Variants in INPP4B observed in about 807,000 individuals in gnomAD.
INPP4B encodes inositol polyphosphate-4-phosphatase type II B.
Under a neutral mutation model 122.5 loss-of-function variants are expected in INPP4B, and 55 were observed. The observed-to-expected ratio is 0.45, with a 90% CI of 0.36 to 0.56. The LOEUF (loss-of-function observed/expected upper bound fraction) is 0.56, where lower values mean the gene tolerates loss of function less well. Among genes scored for constraint, INPP4B ranks in the 20% least tolerant of loss-of-function variants. The probability of loss-of-function intolerance (pLI) is 0.00; values close to 1 mark genes in which losing one functional copy is unlikely to be tolerated. For missense variants in INPP4B, 1,000 were observed against 1,097.7 expected (o/e 0.91, Z 1.26); for synonymous variants, 403 against 388.7 (o/e 1.04, Z -0.43).
At chr4:142,659,463 T>C (rs1220310675) in intron 2 of INPP4B, among the ~76,000 whole-genome samples, 1 of 152,072 alleles carries the variant, frequency 6.6e-6, no homozygotes, top group Non-Finnish European at 1.5e-5. Flanking sequence ...ACTTATATAT[T>C]GGTCACTAAA....
chr4:142,818,796 T>C (rs1780449002), intron 1 of INPP4B, among the ~76,000 whole-genome samples: 1 of 152,098 alleles, frequency 6.6e-6, no homozygotes, highest in South Asian at 2.1e-4. Context: ...TCGCCCTTAT[T>C]AGTTTATATA....
intron 15 of INPP4B, among the ~76,000 whole-genome samples, chr4:142,177,701 C>A (rs1579182955): frequency 6.6e-6 from 1 of 151,862 alleles, no homozygotes; most frequent in African/African-American, 2.4e-5. Context: ...GAATGCACAC[C>A]TACATCCCCA....
rs1776638760 is a variant in INPP4B, at chr4:142,086,147, T to C, written c.2484A>G (p.Ala828=). 8 of 1,566,124 alleles carry C rather than the reference T, an allele frequency of 5.1e-6. No homozygotes were observed. The highest frequency in any genetic ancestry group is 7.0e-6 in the Non-Finnish European group (8 of 1,136,558). The change falls in exon 24 of 26, where the codon GCA becomes GCG. Residue 828 remains alanine, a synonymous_variant. Coordinates refer to ENST00000262992, the MANE Select transcript of INPP4B (RefSeq NM_001101669.3). ...RKNVEIMWLA[A]TICRKLNGIR... Reference sequence around the variant, plus strand: ...GATTTGACATGAGAGTGCTTACCGTTGCAGCCAGCCACATAATTTCTACAT... The same window carrying C: ...GATTTGACATGAGAGTGCTTACCGTCGCAGCCAGCCACATAATTTCTACAT...
chr4:142,054,703 A>G (rs1039829079), intron 25 of INPP4B, among the ~76,000 whole-genome samples: 2 of 152,054 alleles, frequency 1.3e-5, no homozygotes, highest in African/African-American at 2.4e-5. Context: ...CTATGCTTAT[A>G]GGAGACTGGA....
chr4:142,461,443 C>A (rs914359364), intron 3 of INPP4B, among the ~76,000 whole-genome samples: 8 of 152,112 alleles, frequency 5.3e-5, no homozygotes, highest in Non-Finnish European at 1.0e-4. Context: ...ATTTAGGAAG[C>A]TTTTGCTCCA....
chr4:142,203,355 A>G (rs1841465327), intron 14 of INPP4B, among the ~76,000 whole-genome samples: 1 of 152,108 alleles, frequency 6.6e-6, no homozygotes, highest in South Asian at 2.1e-4. Context: ...GAATTCATTA[A>G]ATTTTATAGC....
chr4:142,759,171 T>C (rs954418781), intron 1 of INPP4B, among the ~76,000 whole-genome samples: 2 of 152,182 alleles, frequency 1.3e-5, no homozygotes, highest in Admixed American at 6.5e-5. Context: ...TTAACTAGTA[T>C]GTAGAAGAGA....
chr4:142,299,284 CT>C (rs1249581273), intron 9 of INPP4B, among the ~76,000 whole-genome samples: 1 of 124,526 alleles, frequency 8.0e-6, no homozygotes, highest in African/African-American at 4.4e-5. Context: ...ACCACAGCCT[CT>C]CGCATAGCTG....
intron 23 of INPP4B, among the ~76,000 whole-genome samples, chr4:142,099,011 G>A (rs1206598253): frequency 6.6e-6 from 1 of 152,070 alleles, no homozygotes. Context: ...TGTGGTGGCT[G>A]GGAAGCCAAG....
intron 2 of INPP4B, among the ~76,000 whole-genome samples, chr4:142,499,293 A>G (rs151324980): frequency 1.8e-3 from 276 of 152,192 alleles, no homozygotes; most frequent in African/African-American, 6.3e-3. Context: ...CACTCAGAGA[A>G]AAAAAATATG....
Position 142,039,805 on chromosome 4 carries a change from A to G in INPP4B, c.2643-10891T>C, listed in dbSNP as rs961143369. Among the ~76,000 whole-genome samples, 4 of 152,298 alleles carry G rather than the reference A, an allele frequency of 2.6e-5. No individual in the cohort carries two copies. In the East Asian group the frequency reaches 7.7e-4, roughly 29 times the overall value. On this transcript the variant is annotated intron_variant, in intron 25 of 25. Transcript: ENST00000262992. ...AGTGTTTAAGGTTAGTTTTGTTTGC[A>G]TAAAAGAATGCTAATATGTGATATG...
chr4:142,545,438 G>A (rs1829434150), intron 2 of INPP4B, among the ~76,000 whole-genome samples: 1 of 151,990 alleles, frequency 6.6e-6, no homozygotes, highest in Non-Finnish European at 1.5e-5. Context: ...CACTGAGCTA[G>A]TACTATGTGA....
At chr4:142,687,769 C>T (rs919561372) in intron 2 of INPP4B, among the ~76,000 whole-genome samples, 1 of 152,010 alleles carries the variant, frequency 6.6e-6, no homozygotes, top group Non-Finnish European at 1.5e-5. Flanking sequence ...TGCTGAGACA[C>T]TCTAAGCAGG....
At chr4:142,564,707 A>G (rs985629359) in intron 2 of INPP4B, among the ~76,000 whole-genome samples, 3 of 152,066 alleles carry the variant, frequency 2.0e-5, no homozygotes, top group Admixed American at 6.6e-5. Flanking sequence ...TAAATTTTAC[A>G]TTTTTAATAT....
At chr4:142,708,768 G>C (rs1386316841) in intron 2 of INPP4B, among the ~76,000 whole-genome samples, 1 of 152,222 alleles carries the variant, frequency 6.6e-6, no homozygotes, top group Non-Finnish European at 1.5e-5. Flanking sequence ...GCAATATGGA[G>C]GGTAAATGTG....
At chr4:142,244,511 G>A (rs1356433334) in intron 11 of INPP4B, among the ~76,000 whole-genome samples, 1 of 151,716 alleles carries the variant, frequency 6.6e-6, no homozygotes, top group Non-Finnish European at 1.5e-5. Context: ...CACTGTGTTA[G>A]CCAGGATGGT....
chr4:142,830,747 C>T (rs1329857812), intron 1 of INPP4B, among the ~76,000 whole-genome samples: 3 of 150,838 alleles, frequency 2.0e-5, no homozygotes, highest in Non-Finnish European at 4.4e-5. Context: ...CAGGCAGTGA[C>T]TCATGCTTGT....
In INPP4B at chr4:142,208,462, A is replaced by C. The variant is rs1197146332; in HGVS notation, c.1035T>G (p.His345Gln). 1 of 1,600,684 alleles carries C rather than the reference A, an allele frequency of 6.2e-7. No individual in the cohort carries two copies. The highest frequency in any genetic ancestry group is 8.5e-7 in the Non-Finnish European group (1 of 1,172,684). ...KTLEFVPINL[H>Q]LQRMQVHSPH... ...GGCTGTGTACCTGCATTCTTTGCAG[A>C]TGTAGATTTATTGGAACAAATTCTA... Residue 345 changes from histidine to glutamine, a missense_variant, in exon 14 of 26, where the codon CAT becomes CAG. By Grantham distance (24) the His-to-Gln change is conservative (BLOSUM62 0). Coordinates refer to ENST00000262992, the MANE Select transcript of INPP4B (RefSeq NM_001101669.3).
intron 13 of INPP4B, 75 bp from the exon 14 acceptor site, chr4:142,208,604 C>A: frequency 1.3e-6 from 1 of 766,482 alleles, no homozygotes; most frequent in Non-Finnish European, 2.0e-6. Flanking sequence ...ATAAATTTGA[C>A]AGAAAAATGT....
Sources: gnomAD v4.1 joint callset for allele counts (sites outside exome capture counted in the v4.1 genomes callset) on GRCh38, gnomAD v4.1.1 for gene constraint, MANE v1.5 for transcripts, NCBI Gene and HGNC (gene_info 2026-07-23, HGNC 2026-07-21) for gene names.